The following KCNMA1 variants were observed in gnomAD, a reference collection of about 807,000 sequenced individuals.
KCNMA1 encodes Calcium-activated potassium channel subunit alpha-1.
A neutral mutation model predicts 140.0 loss-of-function variants in KCNMA1; 29 were observed. The observed-to-expected ratio is 0.21, with a 90% CI of 0.15 to 0.28. KCNMA1 has a LOEUF of 0.28. KCNMA1 is among the 10% of genes least tolerant of loss of function. KCNMA1 has a pLI of 1.00. For synonymous variants in KCNMA1, 612 were observed against 611.9 expected (o/e 1.00, Z 0.00); for missense variants, 880 against 1,602.2 (o/e 0.55, Z 7.70).
Position 77,341,351 on chromosome 10 carries a change from C to T in KCNMA1, c.540+62511G>A, listed in dbSNP as rs2090878665. Among the ~76,000 whole-genome samples, 3 of 152,100 alleles carry T rather than the reference C, an allele frequency of 2.0e-5. No individual in the cohort carries two copies. The South Asian group carries it at 6.2e-4, about 32-fold the overall frequency. On this transcript the variant is annotated intron_variant, in intron 2 of 27. Coordinates refer to ENST00000286628, the MANE Select transcript of KCNMA1 (RefSeq NM_001161352.2). ...TCTATGAGCTTGTCTGTCTCATTTC[C>T]CAATTATTTCTCAGTGTTTTCTCAT...
chr10:76,941,167 G>GA (rs2062226872), intron 23 of KCNMA1, among the ~76,000 whole-genome samples: 2 of 42,498 alleles, frequency 4.7e-5, no homozygotes, highest in Non-Finnish European at 6.9e-5. Context: ...GGGAAGGGAA[G>GA]GAAGGAAGGA....
intron 1 of KCNMA1, among the ~76,000 whole-genome samples, chr10:77,440,083 G>A: frequency 6.6e-6 from 1 of 152,146 alleles, no homozygotes; most frequent in East Asian, 1.9e-4. Context: ...TTCTTGCTAT[G>A]TGACCTTAAG....
At chr10:76,915,135 C>A in intron 23 of KCNMA1, 86 bp from the exon 24 acceptor site, 1 of 869,490 alleles carries the variant, frequency 1.2e-6, no homozygotes, top group East Asian at 2.5e-5. Flanking sequence ...ACATACAACC[C>A]CAAAAATGTA....
chr10:77,320,754 C>T (rs1166396474), intron 2 of KCNMA1, among the ~76,000 whole-genome samples: 1 of 152,172 alleles, frequency 6.6e-6, no homozygotes, highest in Non-Finnish European at 1.5e-5. Flanking sequence ...AAAACCCAAG[C>T]ACATTTCTAA....
At chr10:77,010,173 C>T (rs1427684147) in intron 18 of KCNMA1, among the ~76,000 whole-genome samples, 1 of 152,154 alleles carries the variant, frequency 6.6e-6, no homozygotes, top group East Asian at 1.9e-4. Flanking sequence ...CCCCTCACTA[C>T]AAGCGTTTCT....
At chr10:77,332,684 C>T (rs1457614891) in intron 2 of KCNMA1, among the ~76,000 whole-genome samples, 1 of 152,188 alleles carries the variant, frequency 6.6e-6, no homozygotes, top group African/African-American at 2.4e-5. Flanking sequence ...TGGTAGGGAA[C>T]TAGCAGTACA....
At chr10:77,532,487 G>T (rs1482630948) in intron 1 of KCNMA1, among the ~76,000 whole-genome samples, 1 of 152,192 alleles carries the variant, frequency 6.6e-6, no homozygotes, top group African/African-American at 2.4e-5. Flanking sequence ...AGGAGGTAGG[G>T]TTGGTTTATT....
chr10:76,914,149 C>G, intron 24 of KCNMA1: 1 of 1,544,652 alleles, frequency 6.5e-7, no homozygotes, highest in Non-Finnish European at 8.8e-7. Context: ...TAATTGGATA[C>G]AGCATTTAAG....
intron 1 of KCNMA1, among the ~76,000 whole-genome samples, chr10:77,435,602 C>G (rs10824542): frequency 6.6e-6 from 1 of 152,158 alleles, no homozygotes; most frequent in Non-Finnish European, 1.5e-5. Context: ...GTATCTGCTA[C>G]ACCACCTGTG....
chr10:77,365,663 T>C (rs2094303170), intron 2 of KCNMA1, among the ~76,000 whole-genome samples: 1 of 152,336 alleles, frequency 6.6e-6, no homozygotes, highest in South Asian at 2.1e-4. Context: ...TCCTCTTTAC[T>C]GTACCTCCAT....
intron 1 of KCNMA1, among the ~76,000 whole-genome samples, chr10:77,629,680 G>A (rs1313280376): frequency 6.6e-6 from 1 of 152,174 alleles, no homozygotes. Context: ...AGCCTGTCAA[G>A]TACTAATAAA....
At chr10:76,898,597 A>G (rs576981198) in intron 25 of KCNMA1, among the ~76,000 whole-genome samples, 42 of 152,108 alleles carry the variant, frequency 2.8e-4, no homozygotes, top group African/African-American at 9.9e-4. Context: ...TTTAAAAATT[A>G]AATACAATGT....
intron 5 of KCNMA1, among the ~76,000 whole-genome samples, chr10:77,167,642 C>T (rs1187538352): frequency 4.6e-5 from 7 of 151,646 alleles, no homozygotes; most frequent in Non-Finnish European, 1.0e-4. Context: ...AGTGATGCAT[C>T]CAGGGAACAA....
intron 5 of KCNMA1, among the ~76,000 whole-genome samples, chr10:77,173,797 G>C (rs2098729369): frequency 6.6e-6 from 1 of 152,186 alleles, no homozygotes; most frequent in South Asian, 2.1e-4. Flanking sequence ...TGGAGTGGGT[G>C]ACCTCTGGGG....
Position 77,108,406 on chromosome 10 carries a change from CCAA to C in KCNMA1, c.1223+72_1223+74del, listed in dbSNP as rs1381890401. ...CATGCATGAAACAAAGAAACAAGAG[CCAA>C]AAAAAAAAAAAAATGGCATGCAGAG... On this transcript the variant is annotated intron_variant, in intron 9 of 27. Transcript: ENST00000286628. This position sits in a 1 kb window ranked among gnomAD's most constrained non-coding sequence, Gnocchi z 4.6. 1.2e-4 allele frequency: 173 copies of C among 1,427,758 alleles called. No homozygotes were observed. In the African/African-American group the frequency reaches 4.6e-3, roughly 38 times the overall value. The allele number at this position is 1,427,758 out of a possible 1,614,324, so 88.4% of individuals were successfully genotyped here.
chr10:77,046,982 C>G lies in KCNMA1; in HGVS notation c.1750-7345G>C, dbSNP rs549855338. Among the ~76,000 whole-genome samples the G allele has an allele frequency of 3.9e-5, 6 of 152,344 alleles. No individual in the cohort carries two copies. In the East Asian group the frequency reaches 7.7e-4, roughly 20 times the overall value. On this transcript the variant is annotated intron_variant, in intron 14 of 27. Transcript: ENST00000286628. The stretch of plus-strand genomic sequence containing the variant: ...ATTTCTTCTCTGTGCCAAACTGCAT[C>G]TCAGCGCTGAACTTCTTGGATGTGG...
At chr10:77,103,920 C>T (rs540730869) in intron 9 of KCNMA1, among the ~76,000 whole-genome samples, 10 of 152,202 alleles carry the variant, frequency 6.6e-5, no homozygotes, top group South Asian at 6.2e-4. Flanking sequence ...TCCCCTTATA[C>T]GGAAAGGTGG....
chr10:77,274,730 G>A (rs921042087), intron 2 of KCNMA1, among the ~76,000 whole-genome samples: 2 of 152,182 alleles, frequency 1.3e-5, no homozygotes, highest in Non-Finnish European at 2.9e-5. Context: ...CAGAAGGGAG[G>A]GCGGTTTACA....
downstream of KCNMA1, among the ~76,000 whole-genome samples, chr10:76,879,903 C>T (rs532963442): frequency 1.9e-4 from 29 of 152,266 alleles, no homozygotes; most frequent in East Asian, 9.7e-4. Flanking sequence ...TTTCACACTA[C>T]GACTTTTTCC....
Sources: gnomAD v4.1 joint callset for allele counts (sites outside exome capture counted in the v4.1 genomes callset) on GRCh38, gnomAD v4.1.1 for gene constraint, Gnocchi (gnomAD v3.1) non-coding constraint, MANE v1.5 for transcripts, NCBI Gene and HGNC (gene_info 2026-07-23, HGNC 2026-07-21) for gene names.